The following VPS37A variants were observed in gnomAD, a reference collection of about 807,000 sequenced individuals.
The protein encoded by VPS37A is VPS37A subunit of ESCRT-I.
VPS37A carries 30 observed loss-of-function variants against 49.8 expected under a neutral mutation model. The ratio of observed to expected loss-of-function variants is 0.60; its 90% CI spans 0.45 to 0.82. The LOEUF (loss-of-function observed/expected upper bound fraction) is 0.82. Ranked by LOEUF, VPS37A falls within the 40% of genes least tolerant of loss-of-function variation. The pLI, the probability that VPS37A is intolerant of heterozygous loss-of-function variation, is 0.00. For missense variants in VPS37A, 593 were observed against 464.4 expected, an observed-to-expected ratio of 1.28 and a Z score of -2.55; for synonymous variants, 195 against 160.6, an observed-to-expected ratio of 1.21 and a Z score of -1.62.
rs779758388 is a variant in VPS37A, at chr8:17,248,358, G to T, written c.125+989G>T. The T allele has an allele frequency of 1.3e-4, 60 of 453,070 alleles. 1 individual carries two copies. Among genetic ancestry groups the T allele is most frequent in the South Asian group, 3.4e-4 (22 of 64,386 alleles). The allele number at this position is 453,070 out of a possible 1,614,324, so 28.1% of individuals were successfully genotyped here. ...CGGTTCACTGCAACCTCCGTCTCCCGGATTCAAGCAATCATCCTCCCTCAG... is the reference window on the plus strand; with the variant it reads ...CGGTTCACTGCAACCTCCGTCTCCCTGATTCAAGCAATCATCCTCCCTCAG... On this transcript the variant is annotated intron_variant, in intron 1 of 11. Transcript: ENST00000324849.
the VPS37A span, among the ~76,000 whole-genome samples, chr8:17,331,893 TG>T: frequency 6.6e-6 from 1 of 152,178 alleles, no homozygotes; most frequent in Middle Eastern, 3.2e-3. Flanking sequence ...AGAGATCTAT[TG>T]GGCTTTTTGA....
intron 3 of VPS37A, among the ~76,000 whole-genome samples, chr8:17,268,637 A>G (rs1016039177): frequency 1.3e-5 from 2 of 152,142 alleles, no homozygotes; most frequent in Admixed American, 6.5e-5. Context: ...TTTTGGCTCC[A>G]TTTTTTATTC....
intron 4 of VPS37A, among the ~76,000 whole-genome samples, chr8:17,270,792 T>A (rs1281831195): frequency 1.3e-5 from 2 of 152,186 alleles, no homozygotes. Flanking sequence ...CACACTCCCC[T>A]TTCCCCAAGA....
chr8:17,310,923 CTG>C, the VPS37A span, among the ~76,000 whole-genome samples: 1 of 152,152 alleles, frequency 6.6e-6, no homozygotes, highest in Non-Finnish European at 1.5e-5. Context: ...ATACAATACT[CTG>C]TAGTTGAAAG....
chr8:17,293,184 C>CT (rs1411274066), intron 11 of VPS37A, among the ~76,000 whole-genome samples: 1 of 151,674 alleles, frequency 6.6e-6, no homozygotes, highest in African/African-American at 2.4e-5. Flanking sequence ...TGTCTTCACG[C>CT]TTTTTTTCAT....
chr8:17,321,443 C>G, the VPS37A span, among the ~76,000 whole-genome samples: 1 of 152,206 alleles, frequency 6.6e-6, no homozygotes, highest in Non-Finnish European at 1.5e-5. Context: ...AGTAAAATAA[C>G]CCCACCAGTT....
At chr8:17,256,746 G>A (rs868287649) in intron 1 of VPS37A, among the ~76,000 whole-genome samples, 5 of 151,698 alleles carry the variant, frequency 3.3e-5, no homozygotes, top group Non-Finnish European at 4.4e-5. Flanking sequence ...TCCGCCTCCC[G>A]GATTCAAGCA....
downstream of VPS37A, among the ~76,000 whole-genome samples, chr8:17,306,884 A>C (rs1817489751): frequency 1.3e-5 from 2 of 151,690 alleles, no homozygotes; most frequent in Admixed American, 1.3e-4. Flanking sequence ...TACAAAAATT[A>C]ATTCAAGATG....
chr8:17,272,370 C>A (rs1814075944), intron 4 of VPS37A, among the ~76,000 whole-genome samples: 1 of 152,110 alleles, frequency 6.6e-6, no homozygotes, highest in South Asian at 2.1e-4. Context: ...TTCTAGAGTC[C>A]TGAGTCCTTA....
At chr8:17,284,342 G>A in intron 9 of VPS37A, 131 bp from the exon 10 acceptor site, 1 of 1,078,308 alleles carries the variant, frequency 9.3e-7, no homozygotes, top group South Asian at 2.1e-5. Flanking sequence ...TAAGACAGCA[G>A]ATTTTCTCAA....
At chr8:17,279,319 A>G (rs986700148) in intron 6 of VPS37A, among the ~76,000 whole-genome samples, 4 of 152,132 alleles carry the variant, frequency 2.6e-5, no homozygotes, top group African/African-American at 9.7e-5. Flanking sequence ...AGCTGACTAG[A>G]GGAAAAAGCC....
chr8:17,280,989 A>C (rs1815003072), intron 9 of VPS37A, among the ~76,000 whole-genome samples: 1 of 151,992 alleles, frequency 6.6e-6, no homozygotes, highest in Non-Finnish European at 1.5e-5. Flanking sequence ...ACAACCTCAT[A>C]GTTAATATTC....
At chr8:17,248,816 G>A (rs1811710387) in intron 1 of VPS37A, among the ~76,000 whole-genome samples, 1 of 152,118 alleles carries the variant, frequency 6.6e-6, no homozygotes, top group South Asian at 2.1e-4. Context: ...GAAATTTTAT[G>A]CTGTTTAACA....
At chr8:17,261,931 C>A (rs974457167) in intron 1 of VPS37A, among the ~76,000 whole-genome samples, 2 of 152,166 alleles carry the variant, frequency 1.3e-5, no homozygotes, top group African/African-American at 4.8e-5. Context: ...CTCTGGCTGT[C>A]CTCAGGAATA....
chr8:17,300,201 G>A (rs1239584950), downstream of VPS37A: 8 of 1,605,372 alleles, frequency 5.0e-6, no homozygotes, highest in East Asian at 6.7e-5. Flanking sequence ...AATTTAACTG[G>A]ACCTTTTGAA....
At chr8:17,264,154 G>T (rs1169420634) in intron 1 of VPS37A, among the ~76,000 whole-genome samples, 3 of 152,016 alleles carry the variant, frequency 2.0e-5, no homozygotes, top group Non-Finnish European at 4.4e-5. Flanking sequence ...GAGAGAAAAG[G>T]CTTAACTTAC....
At chr8:17,256,411 A>G (rs1156517814) in intron 1 of VPS37A, among the ~76,000 whole-genome samples, 1 of 145,638 alleles carries the variant, frequency 6.9e-6, no homozygotes, top group African/African-American at 2.6e-5. Flanking sequence ...CTGGGTTTAC[A>G]GGCGCACACC....
At chr8:17,312,816 AC>A in the VPS37A span, among the ~76,000 whole-genome samples, 1 of 152,182 alleles carries the variant, frequency 6.6e-6, no homozygotes, top group Non-Finnish European at 1.5e-5. Flanking sequence ...TTTAAAAAAA[AC>A]TGAACAACAC....
At chr8:17,284,128 A>C (rs767274553) in intron 9 of VPS37A, among the ~76,000 whole-genome samples, 3 of 152,238 alleles carry the variant, frequency 2.0e-5, no homozygotes, top group Non-Finnish European at 4.4e-5. Flanking sequence ...GGATTATGCA[A>C]GGGCAGGAAT....
Sources: gnomAD v4.1 joint callset for allele counts (sites outside exome capture counted in the v4.1 genomes callset) on GRCh38, gnomAD v4.1.1 for gene constraint, MANE v1.5 for transcripts, NCBI Gene and HGNC (gene_info 2026-07-23, HGNC 2026-07-21) for gene names.